The following KANK1 variants were observed in gnomAD, a reference collection of about 807,000 sequenced individuals.
KANK1 encodes KN motif and ankyrin repeat domain-containing protein 1.
KANK1 carries 109 observed loss-of-function variants against 106.2 expected under a neutral mutation model. The ratio of observed to expected loss-of-function variants is 1.03; its 90% CI spans 0.88 to 1.20. KANK1 has a LOEUF of 1.20. Ranked by LOEUF, KANK1 falls within the 50% of genes most tolerant of loss-of-function variation. The pLI, the probability that KANK1 is intolerant of heterozygous loss-of-function variation, is 0.00. For synonymous variants in KANK1, 873 were observed against 652.2 expected, an observed-to-expected ratio of 1.34 and a Z score of -5.16; for missense variants, 2,399 against 1,710.7, an observed-to-expected ratio of 1.40 and a Z score of -7.10.
chr9:608,112 A>C lies in KANK1; in HGVS notation c.-83-68778A>C, dbSNP rs551391176. Among the ~76,000 whole-genome samples, 100 of 140,204 alleles carry C rather than the reference A, an allele frequency of 7.1e-4. 1 individual carries two copies. The highest frequency in any genetic ancestry group is 1.1e-3 in the Non-Finnish European group (75 of 66,430). The allele number at this position is 140,204 out of a possible 152,430, so 92.0% of individuals were successfully genotyped here. Reference sequence around the variant, plus strand: ...GACTGCAGTGGCGCAATCTCGGCTCACTGCAAGCTCCGCTTCCCGGGTTCA... The same window carrying C: ...GACTGCAGTGGCGCAATCTCGGCTCCCTGCAAGCTCCGCTTCCCGGGTTCA... On this transcript the variant is annotated intron_variant, in intron 1 of 11. Transcript: ENST00000382297.
intron 1 of KANK1, among the ~76,000 whole-genome samples, chr9:639,084 T>G (rs1837790201): frequency 6.6e-6 from 1 of 152,106 alleles, no homozygotes; most frequent in Non-Finnish European, 1.5e-5. Context: ...ATAAAAACAC[T>G]CTTAGGACAT....
intron 2 of KANK1, among the ~76,000 whole-genome samples, chr9:703,026 C>A (rs1053779273): frequency 6.6e-6 from 1 of 152,102 alleles, no homozygotes; most frequent in South Asian, 2.1e-4. Flanking sequence ...GAGTCTCTCT[C>A]TGTTGCCCAG....
intron 2 of KANK1, among the ~76,000 whole-genome samples, chr9:687,192 C>G (rs1460564267): frequency 6.6e-6 from 1 of 152,112 alleles, no homozygotes; most frequent in Non-Finnish European, 1.5e-5. Flanking sequence ...CAGAATACAT[C>G]TTTGCCATTT....
At chr9:742,439 G>C in intron 10 of KANK1, 34 bp downstream of exon 10, 1 of 1,559,018 alleles carries the variant, frequency 6.4e-7, no homozygotes, top group Non-Finnish European at 8.8e-7. Context: ...CTGGCCAGGG[G>C]TCTGGGGGAC....
chr9:566,001 C>T (rs896887597), intron 1 of KANK1, among the ~76,000 whole-genome samples: 2 of 152,044 alleles, frequency 1.3e-5, no homozygotes, highest in African/African-American at 4.8e-5. Flanking sequence ...TTTTCTTCAC[C>T]CTCTGCTTCC....
chr9:695,303 A>G (rs1187975950), intron 2 of KANK1, among the ~76,000 whole-genome samples: 1 of 152,054 alleles, frequency 6.6e-6, no homozygotes, highest in African/African-American at 2.4e-5. Context: ...ATCGGCACTC[A>G]CCTTTGCCCT....
chr9:519,942 T>C lies in KANK1; in HGVS notation c.-84+15188T>C, dbSNP rs572894286. On this transcript the variant is annotated intron_variant, in intron 1 of 11. Coordinates refer to ENST00000382297, the MANE Select transcript of KANK1 (RefSeq NM_015158.5). The stretch of plus-strand genomic sequence containing the variant: ...AAAAATGAAGTGGTTTCATTACTCA[T>C]ATTAGTCTAGTTATGCTCAGTGACT... 3.3e-4 allele frequency among the ~76,000 whole-genome samples: 50 copies of C among 152,008 alleles called. 1 individual carries two copies. Among genetic ancestry groups the C allele is most frequent in the African/African-American group, 1.1e-3 (44 of 41,244 alleles).
chr9:548,378 G>T (rs1004198622), intron 1 of KANK1, among the ~76,000 whole-genome samples: 1 of 152,082 alleles, frequency 6.6e-6, no homozygotes. Flanking sequence ...ATAGTTGGGG[G>T]GTTCCTGAGC....
At chr9:617,191 T>C (rs1478658758) in intron 1 of KANK1, among the ~76,000 whole-genome samples, 2 of 152,178 alleles carry the variant, frequency 1.3e-5, no homozygotes, top group Non-Finnish European at 1.5e-5. Flanking sequence ...TGAACTGTCC[T>C]TAATGTTATT....
chr9:576,415 C>G (rs935556412), intron 1 of KANK1, among the ~76,000 whole-genome samples: 1 of 152,194 alleles, frequency 6.6e-6, no homozygotes, highest in Non-Finnish European at 1.5e-5. Flanking sequence ...AGAAGAGGAA[C>G]CAATATTTGC....
chr9:504,867 C>G (rs1044480427), intron 1 of KANK1, 113 bp downstream of exon 1: 125 of 146,086 alleles, frequency 8.6e-4, no homozygotes, highest in African/African-American at 3.0e-3. Flanking sequence ...ACTTGGCGCG[C>G]GCCGGGGTTG....
At chr9:479,584 C>A (rs1363485373) in intron 3 of KANK1, among the ~76,000 whole-genome samples, 2 of 152,212 alleles carry the variant, frequency 1.3e-5, no homozygotes, top group African/African-American at 4.8e-5. Context: ...AAACCAGCAT[C>A]TTGATTCAGA....
intron 2 of KANK1, among the ~76,000 whole-genome samples, chr9:687,352 C>G (rs753982779): frequency 6.6e-6 from 1 of 152,084 alleles, no homozygotes; most frequent in Admixed American, 6.6e-5. Context: ...TTTCTGTCTC[C>G]CCAAACATTT....
At chr9:706,903 C>T in intron 2 of KANK1, 1 of 985,418 alleles carries the variant, frequency 1.0e-6, no homozygotes, top group Non-Finnish European at 1.2e-6. Context: ...AACAGAGCCT[C>T]TCTGTAGAGA....
chr9:528,752 T>G (rs2059923727), intron 1 of KANK1, among the ~76,000 whole-genome samples: 1 of 152,080 alleles, frequency 6.6e-6, no homozygotes, highest in Non-Finnish European at 1.5e-5. Context: ...CCTCCCAAAG[T>G]GCTGGGATTA....
chr9:669,545 T>C (rs1343470995), intron 1 of KANK1, among the ~76,000 whole-genome samples: 1 of 152,172 alleles, frequency 6.6e-6, no homozygotes, highest in East Asian at 1.9e-4. Flanking sequence ...TTTGAAAATA[T>C]CATTCCACTT....
At chr9:636,935 T>C (rs1160300673) in intron 1 of KANK1, among the ~76,000 whole-genome samples, 1 of 152,174 alleles carries the variant, frequency 6.6e-6, no homozygotes, top group African/African-American at 2.4e-5. Context: ...TCAGAGACTG[T>C]TTTTAAACCA....
intron 1 of KANK1, among the ~76,000 whole-genome samples, chr9:515,271 G>A (rs1445089140): frequency 1.3e-5 from 2 of 151,196 alleles, no homozygotes; most frequent in Non-Finnish European, 2.9e-5. Flanking sequence ...CGTGAACCCA[G>A]GAGGCGGAGC....
intron 2 of KANK1, chr9:686,930 G>T: frequency 4.1e-6 from 4 of 985,142 alleles, no homozygotes; most frequent in Non-Finnish European, 4.8e-6. Context: ...AGGTAAAGGG[G>T]GCTTAGGGCT....
Sources: allele counts gnomAD v4.1 joint callset (sites outside exome capture counted in the v4.1 genomes callset), GRCh38; gene constraint gnomAD v4.1.1; transcripts MANE v1.5; gene names NCBI Gene and HGNC (gene_info 2026-07-23, HGNC 2026-07-21).